GARNL3: variants seen among roughly 807,000 people sequenced by gnomAD.
The protein encoded by GARNL3 is GTPase-activating Rap/Ran-GAP domain-like protein 3.
GARNL3 carries 63 observed loss-of-function variants against 125.0 expected under a neutral mutation model. That is an observed-to-expected ratio of 0.50 (90% CI 0.41 to 0.62). GARNL3 has a LOEUF of 0.62. Ranked by LOEUF, GARNL3 falls within the 20% of genes least tolerant of loss-of-function variation. GARNL3 has a pLI of 0.00. For synonymous variants in GARNL3, 439 were observed against 457.5 expected, an observed-to-expected ratio of 0.96 and a Z score of 0.52; for missense variants, 994 against 1,244.0, an observed-to-expected ratio of 0.80 and a Z score of 3.02.
intron 12 of GARNL3, among the ~76,000 whole-genome samples, chr9:127,339,117 G>A (rs1355185582): frequency 6.6e-6 from 1 of 151,910 alleles, no homozygotes; most frequent in Non-Finnish European, 1.5e-5. Flanking sequence ...CTAACACGAT[G>A]AAACCCCGTC....
At chr9:127,257,980 G>A (rs1038927250) in intron 2 of GARNL3, among the ~76,000 whole-genome samples, 1 of 151,950 alleles carries the variant, frequency 6.6e-6, no homozygotes, top group African/African-American at 2.4e-5. Flanking sequence ...GTCCTCCCAT[G>A]GAGACAGATA....
At position 127,385,129 on chromosome 9, in the gene GARNL3, A is replaced by G; in HGVS notation, c.2372A>G (p.Gln791Arg). 1 of 1,605,588 alleles carries G rather than the reference A, an allele frequency of 6.2e-7. No homozygotes were observed. Among genetic ancestry groups the G allele is most frequent in the Non-Finnish European group, 8.5e-7 (1 of 1,174,850 alleles). Residue 791 changes from glutamine (Q) to arginine (R), a missense_variant, in exon 24 of 28, where the codon CAG becomes CGG. Coordinates refer to ENST00000373387, the MANE Select transcript of GARNL3 (RefSeq NM_032293.5). This position sits in a 1 kb window ranked among gnomAD's most constrained non-coding sequence, Gnocchi z 4.1. ...CACACTGCAGTCGTGCCGCAGCTGC[A>G]GCTGGTGGCCTCCAGGGTGAGTAGG... ...LVHTAVVPQL[Q>R]LVASRSDIYF...
At chr9:127,239,187 T>C (rs986141022) in intron 1 of GARNL3, among the ~76,000 whole-genome samples, 15 of 152,218 alleles carry the variant, frequency 9.9e-5, no homozygotes, top group Non-Finnish European at 1.5e-4. Flanking sequence ...TAGTCTTTCT[T>C]TGGGCAGGTT....
intron 12 of GARNL3, among the ~76,000 whole-genome samples, 168 bp downstream of exon 12, chr9:127,338,329 TC>T (rs954774422): frequency 6.6e-5 from 10 of 152,232 alleles, no homozygotes; most frequent in African/African-American, 2.4e-4. Flanking sequence ...AAACATTTAC[TC>T]CATCCAGTGT....
chr9:127,245,162 G>A (rs1009757587), intron 2 of GARNL3, among the ~76,000 whole-genome samples: 1 of 152,258 alleles, frequency 6.6e-6, no homozygotes, highest in Non-Finnish European at 1.5e-5. Context: ...AGTACCCGCA[G>A]TGGAGCTGGC....
At chr9:127,345,713 T>A (rs1220952796) in intron 16 of GARNL3, among the ~76,000 whole-genome samples, 1 of 152,230 alleles carries the variant, frequency 6.6e-6, no homozygotes, top group East Asian at 1.9e-4. Context: ...AGGACCGACC[T>A]GGTCAGGCAG....
intron 22 of GARNL3, among the ~76,000 whole-genome samples, chr9:127,372,567 A>G (rs1484207457): frequency 6.6e-6 from 1 of 152,210 alleles, no homozygotes; most frequent in East Asian, 1.9e-4. Flanking sequence ...GGTCTTACTT[A>G]CTTTGTAAAT....
intron 2 of GARNL3, among the ~76,000 whole-genome samples, chr9:127,291,846 G>A (rs746234967): frequency 3.4e-5 from 5 of 149,204 alleles, no homozygotes; most frequent in African/African-American, 5.0e-5. Flanking sequence ...CTTTTTACAC[G>A]GTAGCTCATC....
chr9:127,263,919 T>C, upstream of GARNL3: 1 of 1,487,966 alleles, frequency 6.7e-7, no homozygotes, highest in Non-Finnish European at 8.9e-7. Flanking sequence ...TTGCTAAACA[T>C]CAGAGTCAGT....
chr9:127,320,209 G>T (rs2065357640), intron 5 of GARNL3, among the ~76,000 whole-genome samples: 1 of 152,132 alleles, frequency 6.6e-6, no homozygotes, highest in East Asian at 1.9e-4. Context: ...AAGTAGTCTA[G>T]AAGTTCGTTA....
In GARNL3 at chr9:127,280,883, T is replaced by G. The variant is rs2064084090; in HGVS notation, c.145-10285T>G. Among the ~76,000 whole-genome samples, 1 of 152,168 alleles carries G rather than the reference T, an allele frequency of 6.6e-6. No individual in the cohort carries two copies. Among genetic ancestry groups the G allele is most frequent in the Non-Finnish European group, 1.5e-5 (1 of 68,032 alleles). ...AAAGGGTGTTTCTGTAGTGGTAACATGTGACAGATAAGGTGGAGGATGTGA... is the reference window on the plus strand; with the variant it reads ...AAAGGGTGTTTCTGTAGTGGTAACAGGTGACAGATAAGGTGGAGGATGTGA... On this transcript the variant is annotated intron_variant, in intron 1 of 27. Transcript: ENST00000373387. The surrounding 1 kb of genome is among the most constrained non-coding windows in gnomAD (Gnocchi z 4.5).
intron 2 of GARNL3, among the ~76,000 whole-genome samples, chr9:127,303,068 G>A (rs1366819035): frequency 3.0e-4 from 46 of 152,144 alleles, no homozygotes; most frequent in Non-Finnish European, 2.4e-4. Flanking sequence ...GGAGAATGGC[G>A]TGAACCCGGG....
At chr9:127,288,981 C>G (rs1017456641) in intron 1 of GARNL3, among the ~76,000 whole-genome samples, 3 of 152,096 alleles carry the variant, frequency 2.0e-5, no homozygotes, top group African/African-American at 7.2e-5. Context: ...CTTTTCTTGC[C>G]AAGTCCAGAT....
intron 2 of GARNL3, among the ~76,000 whole-genome samples, chr9:127,299,761 G>T (rs572515881): frequency 1.3e-5 from 2 of 152,082 alleles, no homozygotes; most frequent in Non-Finnish European, 2.9e-5. Flanking sequence ...AGTAGAGACC[G>T]GTTTCACCAT....
At chr9:127,376,692 A>C (rs530402328) in intron 22 of GARNL3, among the ~76,000 whole-genome samples, 26 of 152,306 alleles carry the variant, frequency 1.7e-4, no homozygotes, top group South Asian at 6.2e-4. Flanking sequence ...ATTCAATGAA[A>C]TATGGTAAGT....
intron 22 of GARNL3, among the ~76,000 whole-genome samples, chr9:127,365,812 A>T (rs915723066): frequency 6.6e-6 from 1 of 152,172 alleles, no homozygotes; most frequent in Non-Finnish European, 1.5e-5. Flanking sequence ...CAGGGTTTGC[A>T]TCGGGTGCTC....
chr9:127,247,385 C>T (rs1183600929), intron 2 of GARNL3, among the ~76,000 whole-genome samples: 5 of 152,154 alleles, frequency 3.3e-5, no homozygotes. Flanking sequence ...ACGGATCTGG[C>T]TTCAGGGCTG....
intron 7 of GARNL3, among the ~76,000 whole-genome samples, chr9:127,328,286 G>A (rs1019675450): frequency 1.2e-4 from 18 of 152,220 alleles, no homozygotes; most frequent in African/African-American, 4.3e-4. Context: ...GTGAACAATG[G>A]CCATGATCCT....
At chr9:127,284,594 T>C (rs2064193072) in intron 1 of GARNL3, among the ~76,000 whole-genome samples, 1 of 152,068 alleles carries the variant, frequency 6.6e-6, no homozygotes, top group Non-Finnish European at 1.5e-5. Flanking sequence ...ATTGTTTTTA[T>C]CCTTTTTTGT....
Sources: gnomAD v4.1 joint callset for allele counts (sites outside exome capture counted in the v4.1 genomes callset) on GRCh38, gnomAD v4.1.1 for gene constraint, Gnocchi (gnomAD v3.1) non-coding constraint, MANE v1.5 for transcripts, NCBI Gene and HGNC (gene_info 2026-07-23, HGNC 2026-07-21) for gene names.